The following DKK3 variants were observed in gnomAD, a reference collection of about 807,000 sequenced individuals.
DKK3 encodes the protein dickkopf-related protein 3.
In DKK3, 22 loss-of-function variants were observed where a neutral mutation model predicts 33.2. The observed-to-expected ratio is 0.66, with a 90% CI of 0.47 to 0.95. DKK3 has a LOEUF of 0.95. Among genes scored for constraint, DKK3 ranks in the 40% least tolerant of loss-of-function variants. The pLI, the probability that DKK3 is intolerant of heterozygous loss-of-function variation, is 0.00. For synonymous variants in DKK3, 194 were observed against 188.8 expected, an observed-to-expected ratio of 1.03 and a Z score of -0.23; for missense variants, 398 against 458.4, an observed-to-expected ratio of 0.87 and a Z score of 1.20.
intron 4 of DKK3, 46 bp downstream of exon 4, chr11:11,968,349 G>GCCCGAGAC: frequency 1.3e-6 from 2 of 1,558,862 alleles, no homozygotes; most frequent in Non-Finnish European, 1.7e-6. Flanking sequence ...TCCCCCAGGT[G>GCCCGAGAC]CCTGAGACCC....
At position 12,004,515 on chromosome 11, in the gene DKK3, A is replaced by G. The variant is rs1360200227; in HGVS notation, c.214-2078T>C. Among the ~76,000 whole-genome samples, 3 of 152,216 alleles carry G rather than the reference A, an allele frequency of 2.0e-5. No individual in the cohort carries two copies. The East Asian group carries it at 5.8e-4, about 29-fold the overall frequency. On this transcript the variant is annotated intron_variant, in intron 1 of 6. Coordinates refer to ENST00000683431, the MANE Select transcript of DKK3 (RefSeq NM_001018057.2). Reference sequence around the variant, plus strand: ...AGATGGCCACTGGATGAGTCAAGTCATTGCCTGCAGCATCCTCGGAGAGGA... The same window carrying G: ...AGATGGCCACTGGATGAGTCAAGTCGTTGCCTGCAGCATCCTCGGAGAGGA...
intron 3 of DKK3, among the ~76,000 whole-genome samples, chr11:11,984,298 A>G (rs1178147835): frequency 2.0e-5 from 3 of 152,234 alleles, no homozygotes; most frequent in Admixed American, 6.5e-5. Flanking sequence ...TTATGAACAC[A>G]CTGGATAGCA....
chr11:11,970,211 G>C (rs1490056849), intron 3 of DKK3, among the ~76,000 whole-genome samples: 1 of 152,184 alleles, frequency 6.6e-6, no homozygotes, highest in East Asian at 1.9e-4. Context: ...TATTTTGAGG[G>C]ACTGGGGACA....
At chr11:11,993,381 T>G (rs1282054249) in intron 3 of DKK3, among the ~76,000 whole-genome samples, 1 of 152,084 alleles carries the variant, frequency 6.6e-6, no homozygotes, top group Non-Finnish European at 1.5e-5. Flanking sequence ...TCTGCAATTT[T>G]TTTTCACTTA....
chr11:11,967,293 G>A (rs989077967), intron 4 of DKK3, among the ~76,000 whole-genome samples, 195 bp from the exon 5 acceptor site: 1 of 152,218 alleles, frequency 6.6e-6, no homozygotes, highest in African/African-American at 2.4e-5. Flanking sequence ...GGGTCAGAAC[G>A]CTGGAAAAAT....
chr11:11,997,556 C>T (rs1382594920), intron 3 of DKK3, among the ~76,000 whole-genome samples: 1 of 152,190 alleles, frequency 6.6e-6, no homozygotes, highest in Non-Finnish European at 1.5e-5. Context: ...ATTGTTACCT[C>T]ACTTGAAGAT....
chr11:11,967,298 A>G (rs1339651515), intron 4 of DKK3, among the ~76,000 whole-genome samples, 200 bp from the exon 5 acceptor site: 1 of 152,184 alleles, frequency 6.6e-6, no homozygotes, highest in Non-Finnish European at 1.5e-5. Flanking sequence ...AGAACGCTGG[A>G]AAAATGGCAC....
At chr11:11,991,011 C>A (rs1005778864) in intron 3 of DKK3, among the ~76,000 whole-genome samples, 1 of 152,204 alleles carries the variant, frequency 6.6e-6, no homozygotes. Flanking sequence ...TTCAGCAACA[C>A]GGAAACAGCA....
At position 11,964,915 on chromosome 11, in the gene DKK3, C is replaced by T. The variant is rs190445439; in HGVS notation, c.831-229G>A. ...TGGGGGGCAGCTTCCCCTCCTCCAG[C>T]GCAGGCCTGACCTCCTGTGACTCTC... On this transcript the variant is annotated intron_variant, in intron 6 of 6. Coordinates refer to ENST00000683431, the MANE Select transcript of DKK3 (RefSeq NM_001018057.2). Among the ~76,000 whole-genome samples, 627 of 152,292 alleles carry T rather than the reference C, an allele frequency of 4.1e-3. 6 individuals carry two copies. Among genetic ancestry groups the T allele is most frequent in the African/African-American group, 0.014 (573 of 41,568 alleles).
chr11:11,974,362 C>CA (rs1400639677), intron 3 of DKK3, among the ~76,000 whole-genome samples: 3 of 152,210 alleles, frequency 2.0e-5, no homozygotes, highest in Non-Finnish European at 4.4e-5. Flanking sequence ...GCTGCTATAG[C>CA]AGAATACCTG....
At position 12,008,022 on chromosome 11, in the gene DKK3, G is replaced by T. The variant is rs112348211; in HGVS notation, c.213+348C>A. Among the ~76,000 whole-genome samples, 525 of 152,328 alleles carry T rather than the reference G, an allele frequency of 3.4e-3. 3 individuals carry two copies. The highest frequency in any genetic ancestry group is 0.011 in the African/African-American group (478 of 41,580). On this transcript the variant is annotated intron_variant, in intron 1 of 6. Transcript: ENST00000683431. This position sits in a 1 kb window ranked among gnomAD's most constrained non-coding sequence, Gnocchi z 4.6. ...TGTCCCGGGTTTCTGTGAAACCACAGTGCTGGAATACCAGGGGCCCTGCAA... is the reference window on the plus strand; with the variant it reads ...TGTCCCGGGTTTCTGTGAAACCACATTGCTGGAATACCAGGGGCCCTGCAA...
At chr11:11,986,413 A>G (rs1848072114) in intron 3 of DKK3, among the ~76,000 whole-genome samples, 1 of 152,186 alleles carries the variant, frequency 6.6e-6, no homozygotes, top group East Asian at 1.9e-4. Context: ...TGAGAACAAA[A>G]GAAAGTAGGT....
chr11:11,998,511 C>T (rs1200973007), intron 3 of DKK3, 185 bp downstream of exon 3: 8 of 660,926 alleles, frequency 1.2e-5, no homozygotes, highest in Middle Eastern at 3.5e-4. Flanking sequence ...TGCATGGAGG[C>T]GTAACCTATT....
intron 3 of DKK3, among the ~76,000 whole-genome samples, chr11:11,985,989 C>A (rs191296190): frequency 3.3e-5 from 5 of 152,184 alleles, no homozygotes; most frequent in South Asian, 4.1e-4. Flanking sequence ...AAAGGGAGGA[C>A]CCTGGAAACA....
rs112299826 is a variant in DKK3, at chr11:11,964,977, G to A, written c.831-291C>T. On this transcript the variant is annotated intron_variant, in intron 6 of 6. Coordinates refer to ENST00000683431, the MANE Select transcript of DKK3 (RefSeq NM_001018057.2). ...CCCAGGGGCAGGACCTGAGTGCTAT[G>A]TAGCAGCACCACAGCCCCTCAAAGA... Among the ~76,000 whole-genome samples, 746 of 152,322 alleles carry A rather than the reference G, an allele frequency of 4.9e-3. 6 individuals are homozygous for A. The highest frequency in any genetic ancestry group is 0.017 in the African/African-American group (725 of 41,578).
At chr11:11,969,463 C>T (rs1847677473) in intron 3 of DKK3, among the ~76,000 whole-genome samples, 2 of 152,152 alleles carry the variant, frequency 1.3e-5, no homozygotes, top group African/African-American at 4.8e-5. Context: ...GAAATGGAGG[C>T]AGAGAGGTCC....
chr11:11,974,868 C>T (rs1435199132), intron 3 of DKK3, among the ~76,000 whole-genome samples: 1 of 151,820 alleles, frequency 6.6e-6, no homozygotes, highest in Non-Finnish European at 1.5e-5. Flanking sequence ...CGCACCACTG[C>T]ACTCCAACCT....
At position 11,967,225 on chromosome 11, in the gene DKK3, C is replaced by G. The variant is rs1847619442; in HGVS notation, c.529-127G>C. 5 of 1,218,678 alleles carry G rather than the reference C, an allele frequency of 4.1e-6. No individual in the cohort carries two copies. In the South Asian group the frequency reaches 7.8e-5, roughly 19 times the overall value. 75.5% of individuals were successfully genotyped at this position (1,218,678 alleles called of 1,614,324 possible). ...CCATTGTAGAGACAGGCAGACCAGG[C>G]TGAGATTTCAGTGAAAGTCAGTGGG... On this transcript the variant is annotated intron_variant, in intron 4 of 6. Transcript: ENST00000683431.
chr11:11,992,600 C>T (rs1443521689), intron 3 of DKK3, among the ~76,000 whole-genome samples: 1 of 152,184 alleles, frequency 6.6e-6, no homozygotes, highest in Non-Finnish European at 1.5e-5. Context: ...GGTATTTGCT[C>T]TTGGTATTTG....
Sources: gnomAD v4.1 joint callset for allele counts (sites outside exome capture counted in the v4.1 genomes callset) on GRCh38, gnomAD v4.1.1 for gene constraint, Gnocchi (gnomAD v3.1) non-coding constraint, MANE v1.5 for transcripts, NCBI Gene and HGNC (gene_info 2026-07-23, HGNC 2026-07-21) for gene names.